The following ATG7 variants were observed in gnomAD, a reference collection of about 807,000 sequenced individuals.
ATG7 encodes autophagy related 7, also known as ubiquitin-like modifier-activating enzyme ATG7.
Under a neutral mutation model 82.4 loss-of-function variants are expected in ATG7, and 70 were observed. That is an observed-to-expected ratio of 0.85 (90% CI 0.70 to 1.04). The LOEUF (loss-of-function observed/expected upper bound fraction) is 1.04. ATG7 is among the 50% of genes least tolerant of loss of function. The pLI, the probability that ATG7 is intolerant of heterozygous loss-of-function variation, is 0.00. For missense variants in ATG7, 792 were observed against 864.3 expected, an observed-to-expected ratio of 0.92 and a Z score of 1.05; for synonymous variants, 287 against 313.0, an observed-to-expected ratio of 0.92 and a Z score of 0.88.
intron 20 of ATG7, among the ~76,000 whole-genome samples, chr3:11,519,786 C>A (rs2092394777): frequency 6.6e-6 from 1 of 151,932 alleles, no homozygotes; most frequent in African/African-American, 2.4e-5. Context: ...TAATCTCGAT[C>A]TCCTGACCTT....
intron 20 of ATG7, among the ~76,000 whole-genome samples, chr3:11,539,582 G>A (rs537367080): frequency 1.4e-4 from 21 of 152,234 alleles, no homozygotes; most frequent in African/African-American, 4.3e-4. Flanking sequence ...GCGGGGGGTC[G>A]CCCACTTTCC....
intron 20 of ATG7, among the ~76,000 whole-genome samples, chr3:11,448,338 C>T (rs1267262366): frequency 1.3e-5 from 2 of 152,008 alleles, no homozygotes; most frequent in African/African-American, 2.4e-5. Context: ...CCTCTTGGGG[C>T]GGGGAAGGGG....
At chr3:11,294,073 C>G (rs1945457708) in intron 3 of ATG7, among the ~76,000 whole-genome samples, 1 of 150,544 alleles carries the variant, frequency 6.6e-6, no homozygotes, top group Non-Finnish European at 1.5e-5. Context: ...GAGGAGAGGG[C>G]TGAGCATGGA....
chr3:11,424,218 G>A (rs1367944737), intron 19 of ATG7, among the ~76,000 whole-genome samples: 2 of 152,076 alleles, frequency 1.3e-5, no homozygotes, highest in African/African-American at 4.8e-5. Flanking sequence ...GTGCTTTAGA[G>A]TTCTGCCTCA....
chr3:11,434,086 A>G (rs750318211), intron 20 of ATG7, among the ~76,000 whole-genome samples: 1 of 152,252 alleles, frequency 6.6e-6, no homozygotes, highest in Non-Finnish European at 1.5e-5. Context: ...ACTATTCAGC[A>G]AAGTAAATAA....
intron 19 of ATG7, among the ~76,000 whole-genome samples, chr3:11,420,616 T>C (rs959959949): frequency 6.6e-6 from 1 of 152,160 alleles, no homozygotes. Flanking sequence ...GCAGCTAATA[T>C]TGCAGTAAAT....
chr3:11,506,841 T>C (rs1389465028), intron 20 of ATG7, among the ~76,000 whole-genome samples: 1 of 152,222 alleles, frequency 6.6e-6, no homozygotes, highest in Non-Finnish European at 1.5e-5. Flanking sequence ...GGTGCTCTGC[T>C]GTACAAGGTC....
chr3:11,299,331 T>A (rs1456138906), intron 4 of ATG7, 31 bp from the exon 5 acceptor site: 1 of 1,590,756 alleles, frequency 6.3e-7, no homozygotes, highest in Non-Finnish European at 8.6e-7. Flanking sequence ...TTCTGACTTG[T>A]CATTGAAAAT....
chr3:11,553,054 C>G (rs1575308484), intron 20 of ATG7, among the ~76,000 whole-genome samples: 1 of 152,228 alleles, frequency 6.6e-6, no homozygotes, highest in Non-Finnish European at 1.5e-5. Context: ...GCTGGCAGCC[C>G]TCCAAGGAGG....
intron 20 of ATG7, among the ~76,000 whole-genome samples, chr3:11,551,418 G>C (rs2071766827): frequency 6.6e-6 from 1 of 152,224 alleles, no homozygotes; most frequent in Non-Finnish European, 1.5e-5. Flanking sequence ...TATGGATGTT[G>C]AATCGTCCTA....
At position 11,320,661 on chromosome 3, in the gene ATG7, A is replaced by G. The variant is rs561332554; in HGVS notation, c.678+5168A>G. 3.3e-5 allele frequency among the ~76,000 whole-genome samples: 5 copies of G among 152,356 alleles called. No individual in the cohort carries two copies. The East Asian group carries it at 9.6e-4, about 29-fold the overall frequency. On this transcript the variant is annotated intron_variant, in intron 9 of 20. Transcript: ENST00000693202. ...CCATTTAAATGTAAGCTCTACCAGG[A>G]CAGGTACCCTATCTTTGATTTCCCA... is the stretch of plus-strand genomic sequence containing the variant.
At chr3:11,392,595 G>A (rs1297458795) in intron 19 of ATG7, among the ~76,000 whole-genome samples, 1 of 152,176 alleles carries the variant, frequency 6.6e-6, no homozygotes, top group Non-Finnish European at 1.5e-5. Context: ...CCCCAAGGCT[G>A]TCTCTGTAGC....
In ATG7 at chr3:11,323,650, ATGT is replaced by A. The variant is rs1361980015; in HGVS notation, c.679-7686_679-7684del. On this transcript the variant is annotated intron_variant, in intron 9 of 20. Coordinates refer to ENST00000693202, the MANE Select transcript of ATG7 (RefSeq NM_001349232.2). ...TTATTGAAGATTGAATGTTTGGGAA[ATGT>A]TGTGTAATTTCAACAACATTAGCCT... Among the ~76,000 whole-genome samples, 4 of 152,360 alleles carry A rather than the reference ATGT, an allele frequency of 2.6e-5. No individual in the cohort carries two copies. The East Asian group carries it at 5.8e-4, about 22-fold the overall frequency.
chr3:11,372,071 C>T (rs111595809), intron 18 of ATG7, among the ~76,000 whole-genome samples: 7 of 151,386 alleles, frequency 4.6e-5, no homozygotes, highest in Non-Finnish European at 1.5e-5. Context: ...GACGGTGTGT[C>T]CTGTCTCCTA....
chr3:11,512,213 T>C (rs1273591166), intron 20 of ATG7, among the ~76,000 whole-genome samples: 2 of 151,964 alleles, frequency 1.3e-5, no homozygotes, highest in East Asian at 3.9e-4. Context: ...CTAGCCTACC[T>C]CCCAGAGGTC....
the ATG7 span, among the ~76,000 whole-genome samples, chr3:11,568,348 G>C: frequency 6.6e-6 from 1 of 152,206 alleles, no homozygotes; most frequent in African/African-American, 2.4e-5. The surrounding 1 kb of genome is among the most constrained non-coding windows in gnomAD (Gnocchi z 5.9). Flanking sequence ...GGGTGCCAGG[G>C]CCGCCAGCTG....
intron 19 of ATG7, among the ~76,000 whole-genome samples, chr3:11,412,010 G>C (rs199899189): frequency 2.0e-5 from 3 of 149,894 alleles, no homozygotes; most frequent in African/African-American, 4.9e-5. Context: ...AGGGTATTCT[G>C]TCTAGGTCCT....
At chr3:11,340,006 A>G (rs545265433) in intron 11 of ATG7, among the ~76,000 whole-genome samples, 2 of 152,350 alleles carry the variant, frequency 1.3e-5, no homozygotes, top group South Asian at 4.1e-4. Context: ...GGGAACTGCT[A>G]GAATTGGAGT....
intron 13 of ATG7, among the ~76,000 whole-genome samples, chr3:11,344,055 G>T (rs753689891): frequency 2.0e-5 from 3 of 152,050 alleles, no homozygotes; most frequent in Non-Finnish European, 2.9e-5. Context: ...CATATTTAAT[G>T]ATGTTTTTTC....
Sources: allele counts gnomAD v4.1 joint callset (sites outside exome capture counted in the v4.1 genomes callset), GRCh38; gene constraint gnomAD v4.1.1; non-coding constraint Gnocchi (gnomAD v3.1); transcripts MANE v1.5; gene names NCBI Gene and HGNC (gene_info 2026-07-23, HGNC 2026-07-21).